Variants in HUWE1 observed in about 807,000 individuals in gnomAD.
HUWE1 encodes the protein E3 ubiquitin-protein ligase HUWE1.
HUWE1 carries 18 observed loss-of-function variants against 299.4 expected under a neutral mutation model. The ratio of observed to expected loss-of-function variants is 0.06; its 90% CI spans 0.04 to 0.09. HUWE1 has a LOEUF of 0.09. HUWE1 is among the 10% of genes least tolerant of loss of function. HUWE1 has a pLI of 1.00. For missense variants in HUWE1, 1,832 were observed against 3,462.3 expected (o/e 0.53, Z 11.82); for synonymous variants, 1,317 against 1,286.1 (o/e 1.02, Z -0.51).
intron 44 of HUWE1, 137 bp downstream of exon 44, chrX:53,576,763 T>C (rs782594861): frequency 8.2e-5 from 48 of 586,472 alleles, no homozygotes; most frequent in Non-Finnish European, 1.2e-4. Flanking sequence ...AGACATGCAA[T>C]GGGTATCTTA....
intron 82 of HUWE1, 116 bp downstream of exon 82, chrX:53,534,400 A>G: frequency 1.4e-6 from 1 of 714,358 alleles, no homozygotes. Flanking sequence ...ATATAGGTAG[A>G]CTGTCTTCTA....
At chrX:53,559,218 A>T in intron 57 of HUWE1, 136 bp downstream of exon 57, 1 of 812,018 alleles carries the variant, frequency 1.2e-6, no homozygotes, top group Non-Finnish European at 1.9e-6. Context: ...TTTGTTGCCC[A>T]TGGCTAAGTC....
intron 82 of HUWE1, 43 bp downstream of exon 82, chrX:53,534,473 G>C (rs376371277): frequency 2.1e-5 from 24 of 1,126,348 alleles, no homozygotes; most frequent in Non-Finnish European, 2.9e-5. Context: ...GCGTTGCCTA[G>C]GGTAAGAGGA....
intron 45 of HUWE1, 25 bp from the exon 46 acceptor site, chrX:53,575,246 C>A: frequency 1.8e-6 from 2 of 1,142,089 alleles, no homozygotes. Context: ...AACTCCTGAG[C>A]TATTATGAAT....
At chrX:53,671,774 A>T (rs1285639919) in intron 3 of HUWE1, among the ~76,000 whole-genome samples, 12 of 91,690 alleles carry the variant, frequency 1.3e-4, no homozygotes, top group African/African-American at 5.3e-4. Flanking sequence ...GACCTGGGCG[A>T]CAGCGAGACT....
chrX:53,639,754 G>T (rs6529689), intron 7 of HUWE1, among the ~76,000 whole-genome samples: 20,152 of 111,449 alleles, frequency 0.18, 4,267 homozygotes, highest in African/African-American at 0.61. Context: ...AAATACAAAA[G>T]AATGGCATGT....
intron 39 of HUWE1, 134 bp downstream of exon 39, chrX:53,586,356 T>C (rs782770959): frequency 2.5e-5 from 12 of 480,310 alleles, no homozygotes; most frequent in Non-Finnish European, 4.4e-5. Flanking sequence ...AACCTAGCTA[T>C]GAAAATCCCT....
chrX:53,670,336 T>G (rs1397187884), intron 3 of HUWE1, among the ~76,000 whole-genome samples: 1 of 111,818 alleles, frequency 8.9e-6, no homozygotes, highest in African/African-American at 3.3e-5. Context: ...TAAGGAGAGA[T>G]AAAACATAGT....
intron 42 of HUWE1, among the ~76,000 whole-genome samples, chrX:53,582,929 C>T (rs2063692234): frequency 8.9e-6 from 1 of 111,834 alleles, no homozygotes; most frequent in Admixed American, 9.4e-5. Flanking sequence ...ATTTACCTGC[C>T]TCCCAAAGTG....
At chrX:53,575,314 G>T in intron 45 of HUWE1, 93 bp from the exon 46 acceptor site, 1 of 660,996 alleles carries the variant, frequency 1.5e-6, no homozygotes, top group African/African-American at 2.1e-5. Flanking sequence ...GGCTGGGAAT[G>T]CCACAGATTC....
In HUWE1 at chrX:53,588,240, T is replaced by A. The variant is rs782214295; in HGVS notation, c.4614+142A>T. On this transcript the variant is annotated intron_variant, in intron 37 of 83. Transcript: ENST00000262854. Reference sequence around the variant, plus strand: ...TATTTTATACGTAATTATATGCATTTCAGCCTATCAGAAACTGGGCTCATG... The same window carrying A: ...TATTTTATACGTAATTATATGCATTACAGCCTATCAGAAACTGGGCTCATG... The A allele has an allele frequency of 1.6e-4, 89 of 568,520 alleles. No individual in the cohort carries two copies. The African/African-American group carries it at 1.8e-3, about 12-fold the overall frequency. 46.9% of individuals were successfully genotyped at this position (568,520 alleles called of 1,213,427 possible). A position where few individuals can be genotyped will look rare whatever the true frequency, so the allele number is the denominator to read the frequency against.
At chrX:53,684,433 C>G (rs1222276862) in intron 2 of HUWE1, among the ~76,000 whole-genome samples, 3 of 112,385 alleles carry the variant, frequency 2.7e-5, no homozygotes, top group Non-Finnish European at 5.6e-5. Context: ...CGACCCACTG[C>G]GGAGCTGGCT....
In HUWE1 at chrX:53,562,068, G is replaced by C. The variant is rs782665996; in HGVS notation, c.7338+43C>G. On this transcript the variant is annotated intron_variant, in intron 54 of 83. Coordinates refer to ENST00000262854, the MANE Select transcript of HUWE1 (RefSeq NM_031407.7). Reference sequence around the variant, plus strand: ...GTTTTCTGCAGCTCTATGTTCCCATGGAAGAGGTCATCTGAACCAACCCAA... The same window carrying C: ...GTTTTCTGCAGCTCTATGTTCCCATCGAAGAGGTCATCTGAACCAACCCAA... 6.6e-6 allele frequency: 8 copies of C among 1,211,057 alleles called. No individual in the cohort carries two copies. The Admixed American group carries it at 1.5e-4, about 23-fold the overall frequency.
intron 7 of HUWE1, among the ~76,000 whole-genome samples, chrX:53,635,940 G>A (rs1323117496): frequency 8.9e-6 from 1 of 112,377 alleles, no homozygotes; most frequent in African/African-American, 3.2e-5. Flanking sequence ...ACTATCCTGT[G>A]AGAAATAAGC....
chrX:53,578,788 C>A (rs1458805251), intron 43 of HUWE1, among the ~76,000 whole-genome samples: 1 of 78,256 alleles, frequency 1.3e-5, no homozygotes, highest in Non-Finnish European at 2.5e-5. Flanking sequence ...CCAGCCGCCC[C>A]GTCTGGGAGG....
chrX:53,609,471 C>T (rs1317194057), intron 23 of HUWE1, among the ~76,000 whole-genome samples: 1 of 112,092 alleles, frequency 8.9e-6, no homozygotes, highest in Admixed American at 9.4e-5. Context: ...AAGATTCATA[C>T]ACCTGAGGTC....
intron 51 of HUWE1, among the ~76,000 whole-genome samples, 180 bp downstream of exon 51, chrX:53,564,394 C>T (rs1212018850): frequency 9.0e-6 from 1 of 111,363 alleles, no homozygotes; most frequent in African/African-American, 3.3e-5. Flanking sequence ...CCTGCCCCCA[C>T]CCCTCTTTTA....
intron 23 of HUWE1, among the ~76,000 whole-genome samples, chrX:53,610,704 G>A (rs1303659045): frequency 1.8e-5 from 2 of 111,890 alleles, no homozygotes; most frequent in African/African-American, 3.3e-5. Context: ...GGAGACAGCT[G>A]ACTCTGACAA....
chrX:53,646,956 G>A (rs975424930), intron 6 of HUWE1, among the ~76,000 whole-genome samples: 5 of 111,945 alleles, frequency 4.5e-5, no homozygotes, highest in Non-Finnish European at 9.4e-5. Flanking sequence ...GCAGAGTACA[G>A]AGAGACTTTA....
Sources: gnomAD v4.1 joint callset for allele counts (sites outside exome capture counted in the v4.1 genomes callset) on GRCh38, gnomAD v4.1.1 for gene constraint, MANE v1.5 for transcripts, NCBI Gene and HGNC (gene_info 2026-07-23, HGNC 2026-07-21) for gene names.